CUX2: variants seen among roughly 807,000 people sequenced by gnomAD.
CUX2 encodes the protein cut like homeobox 2.
CUX2 carries 40 observed loss-of-function variants against 144.8 expected under a neutral mutation model. That is an observed-to-expected ratio of 0.28 (90% CI 0.21 to 0.36). CUX2 has a LOEUF of 0.36. Among genes scored for constraint, CUX2 ranks in the 10% least tolerant of loss-of-function variants. The pLI, the probability that CUX2 is intolerant of heterozygous loss-of-function variation, is 1.00. For missense variants in CUX2, 1,615 were observed against 1,994.0 expected (o/e 0.81, Z 3.62); for synonymous variants, 827 against 875.6 (o/e 0.94, Z 0.98).
At chr12:111,036,390 G>A (rs1335618011) in intron 1 of CUX2, among the ~76,000 whole-genome samples, 1 of 152,188 alleles carries the variant, frequency 6.6e-6, no homozygotes, top group African/African-American at 2.4e-5. Flanking sequence ...TAGGGAGGTT[G>A]GAACCTCACT....
At chr12:111,268,882 T>G (rs1015353569) in intron 4 of CUX2, among the ~76,000 whole-genome samples, 4 of 152,200 alleles carry the variant, frequency 2.6e-5, no homozygotes, top group Admixed American at 2.0e-4. Context: ...ACCCCAGAGA[T>G]GCCTCCCAGG....
chr12:111,138,721 C>A (rs779830035), intron 1 of CUX2, among the ~76,000 whole-genome samples: 1 of 152,086 alleles, frequency 6.6e-6, no homozygotes, highest in Non-Finnish European at 1.5e-5. Context: ...TGTGACTTGA[C>A]TGTTCTGTTC....
At chr12:111,111,218 C>G (rs1474389652) in intron 1 of CUX2, among the ~76,000 whole-genome samples, 1 of 152,126 alleles carries the variant, frequency 6.6e-6, no homozygotes, top group Non-Finnish European at 1.5e-5. Flanking sequence ...AGGAGAATCG[C>G]TTGAACCCAG....
rs771025328 is a variant in CUX2 at position 111,304,304 on chromosome 12, G to A, written c.848G>A (p.Gly283Glu). ...SIRLACCSPQ[G>E]PSGDKVNFTL... is the part of the protein sequence containing the mutation. ...CGCCTGGCTTGCTGCTCTCCCCAGG[G>A]GCCCAGTGGGGTAAGGATGGGGTTG... Residue 283 changes from glycine to glutamate, a missense_variant, in exon 10 of 22, where the codon GGG becomes GAG. By Grantham distance (98) the Gly-to-Glu change is moderately conservative (BLOSUM62 -2). Around this residue, in one of 12 missense-constraint regions of CUX2, gnomAD observed 295 missense variants for 400.2 expected, o/e 0.74. Coordinates refer to ENST00000261726, the MANE Select transcript of CUX2 (RefSeq NM_015267.4). This position sits in a 1 kb window ranked among gnomAD's most constrained non-coding sequence, Gnocchi z 4.7. The A allele has an allele frequency of 1.2e-6, 2 of 1,613,484 alleles. No homozygotes were observed. The highest frequency in any genetic ancestry group is 1.7e-5 in the Admixed American group (1 of 59,940).
chr12:111,267,212 A>G lies in CUX2; in HGVS notation c.301+3373A>G, dbSNP rs1196569235. Reference sequence around the variant, plus strand: ...GACCCTGTCAAAAAAAAAAAAAAAAAAAAAAGAAAGAAAGGGAGGGAGGGA... The same window carrying G: ...GACCCTGTCAAAAAAAAAAAAAAAAGAAAAAGAAAGAAAGGGAGGGAGGGA... On this transcript the variant is annotated intron_variant, in intron 4 of 21. Transcript: ENST00000261726. Among the ~76,000 whole-genome samples, 8 of 151,370 alleles carry G rather than the reference A, an allele frequency of 5.3e-5. 1 individual carries two copies. The South Asian group carries it at 6.2e-4, about 12-fold the overall frequency.
chr12:111,274,972 CA>C (rs1271899548), intron 4 of CUX2, among the ~76,000 whole-genome samples: 2 of 147,620 alleles, frequency 1.4e-5, no homozygotes, highest in East Asian at 2.0e-4. Context: ...AACAAAAAAA[CA>C]AAAAAAAACC....
chr12:111,264,186 G>A (rs2136291979), intron 4 of CUX2, among the ~76,000 whole-genome samples: 1 of 152,330 alleles, frequency 6.6e-6, no homozygotes, highest in African/African-American at 2.4e-5. Context: ...CTCTCTGCCT[G>A]CAGGTGGCAA....
intron 3 of CUX2, among the ~76,000 whole-genome samples, chr12:111,257,689 C>G (rs893324553): frequency 1.4e-5 from 2 of 139,858 alleles, no homozygotes; most frequent in African/African-American, 5.4e-5. Flanking sequence ...CCTCCCTCCT[C>G]CTTCCCCTTC....
intron 3 of CUX2, among the ~76,000 whole-genome samples, chr12:111,226,776 G>C (rs1253706183): frequency 1.3e-5 from 2 of 152,206 alleles, no homozygotes; most frequent in Non-Finnish European, 2.9e-5. Context: ...TGGCGTCTGG[G>C]CCGGGCTGGG....
At chr12:111,046,665 AT>A (rs925774541) in intron 1 of CUX2, among the ~76,000 whole-genome samples, 1 of 151,062 alleles carries the variant, frequency 6.6e-6, no homozygotes, top group Non-Finnish European at 1.5e-5. Flanking sequence ...ATTTTTATTT[AT>A]TTTTTTTTGA....
At position 111,328,975 on chromosome 12, in the gene CUX2, C is replaced by CTCTCTCTCTCTCTCTCT. The variant is rs1491501890; in HGVS notation, c.2927-5466_2927-5465insTCTCTCTCTCTCTCTCT. On this transcript the variant is annotated intron_variant, in intron 18 of 21. Transcript: ENST00000261726. Reference sequence around the variant, plus strand: ...TCTCTCTCTCTCTCTCTCTCTCTCTCCCCCTCTCTCCCTCTCTCCCTCTCC... The same window carrying CTCTCTCTCTCTCTCTCT: ...TCTCTCTCTCTCTCTCTCTCTCTCTCTCTCTCTCTCTCTCTCTCCCCTCTCTCCCTCTCTCCCTCTCC... Among the ~76,000 whole-genome samples the CTCTCTCTCTCTCTCTCT allele has an allele frequency of 1.0e-3, 67 of 65,626 alleles. 1 individual carries two copies. Among genetic ancestry groups the CTCTCTCTCTCTCTCTCT allele is most frequent in the African/African-American group, 2.1e-3 (17 of 8,260 alleles). 43.1% of individuals were successfully genotyped at this position (65,626 alleles called of 152,430 possible). A position where few individuals can be genotyped will look rare whatever the true frequency, so the allele number is the denominator to read the frequency against.
intron 1 of CUX2, among the ~76,000 whole-genome samples, chr12:111,134,001 G>C (rs1875680107): frequency 6.6e-6 from 1 of 152,168 alleles, no homozygotes; most frequent in South Asian, 2.1e-4. Flanking sequence ...TACAAGGCTA[G>C]GAGTTCAACT....
At chr12:111,261,895 ACT>A (rs1884147090) in intron 3 of CUX2, among the ~76,000 whole-genome samples, 2 of 152,072 alleles carry the variant, frequency 1.3e-5, no homozygotes, top group South Asian at 2.1e-4. Context: ...ACAGAGAAAG[ACT>A]CTGTCTCTAA....
chr12:111,343,044 C>A (rs2136450685), intron 21 of CUX2, among the ~76,000 whole-genome samples: 1 of 151,718 alleles, frequency 6.6e-6, no homozygotes, highest in East Asian at 1.9e-4. Flanking sequence ...TATTATTTCA[C>A]CCTGTTTGCC....
At chr12:111,149,854 A>C (rs1876923923) in intron 1 of CUX2, among the ~76,000 whole-genome samples, 1 of 152,142 alleles carries the variant, frequency 6.6e-6, no homozygotes, top group South Asian at 2.1e-4. Flanking sequence ...GCACACCCTT[A>C]CTTGTAGCCT....
chr12:111,287,303 C>G lies in CUX2; in HGVS notation c.302-4115C>G, dbSNP rs972983423. 6.6e-6 allele frequency among the ~76,000 whole-genome samples: 1 copy of G among 152,260 alleles called. No homozygotes were observed. The highest frequency in any genetic ancestry group is 1.5e-5 in the Non-Finnish European group (1 of 68,044). ...CCCCTGGGCCACGAGCCGGATCCTC[C>G]CCCTCCTTGGAACCGGAGCAAGCCC... On this transcript the variant is annotated intron_variant, in intron 4 of 21. Transcript: ENST00000261726. This position sits in a 1 kb window ranked among gnomAD's most constrained non-coding sequence, Gnocchi z 4.2.
Position 111,225,228 on chromosome 12 carries a change from G to A in CUX2, c.222+7291G>A, listed in dbSNP as rs1312611516. ...CCAAGAACAAAGCCCACCACATGGT[G>A]AGTGTTCAGTGAGCATGAGTTGGCA... is the stretch of plus-strand genomic sequence containing the variant. On this transcript the variant is annotated intron_variant, in intron 3 of 21. Coordinates refer to ENST00000261726, the MANE Select transcript of CUX2 (RefSeq NM_015267.4). Among the ~76,000 whole-genome samples, 3 of 152,226 alleles carry A rather than the reference G, an allele frequency of 2.0e-5. 1 individual carries two copies. The East Asian group carries it at 5.8e-4, about 29-fold the overall frequency.
At chr12:111,070,575 G>A (rs1181327202) in intron 1 of CUX2, among the ~76,000 whole-genome samples, 3 of 151,892 alleles carry the variant, frequency 2.0e-5, no homozygotes, top group Non-Finnish European at 4.4e-5. Context: ...CACCAGAATC[G>A]TACATTTGTT....
Position 111,106,521 on chromosome 12 carries a change from C to T in CUX2, c.63+72281C>T, listed in dbSNP as rs1873616106. 2.0e-5 allele frequency among the ~76,000 whole-genome samples: 3 copies of T among 152,320 alleles called. No homozygotes were observed. In the South Asian group the frequency reaches 6.2e-4, roughly 32 times the overall value. ...CTATGTTGCCCAGGCTGGTCTCAAA[C>T]TCTTGGGCTCAAGTAATCCTCTCAC... On this transcript the variant is annotated intron_variant, in intron 1 of 21. Transcript: ENST00000261726.
Sources: gnomAD v4.1 joint callset for allele counts (sites outside exome capture counted in the v4.1 genomes callset) on GRCh38, gnomAD v4.1.1 for gene constraint, gnomAD v4.1.1 regional missense constraint, Gnocchi (gnomAD v3.1) non-coding constraint, MANE v1.5 for transcripts, NCBI Gene and HGNC (gene_info 2026-07-23, HGNC 2026-07-21) for gene names.